The following STT3A variants were observed in gnomAD, a reference collection of about 807,000 sequenced individuals.
STT3A encodes dolichyl-diphosphooligosaccharide--protein glycosyltransferase subunit STT3A.
A neutral mutation model predicts 89.2 loss-of-function variants in STT3A; 34 were observed. The observed-to-expected ratio is 0.38, with a 90% CI of 0.29 to 0.51. The LOEUF is 0.51. STT3A is among the 20% of genes least tolerant of loss of function. The pLI is 0.89. For missense variants in STT3A, 555 were observed against 889.5 expected (o/e 0.62, Z 4.78); for synonymous variants, 282 against 310.3 (o/e 0.91, Z 0.96).
At chr11:125,620,659 C>T in intron 17 of STT3A, 113 bp from the exon 18 acceptor site, 1 of 941,468 alleles carries the variant, frequency 1.1e-6, no homozygotes. Flanking sequence ...AGCCCTAAAC[C>T]AGGCTGCAGA....
rs902510132 is a variant in STT3A at position 125,597,225 on chromosome 11, C to T, written c.149+106C>T. The T allele has an allele frequency of 3.0e-5, 35 of 1,159,934 alleles. No individual in the cohort carries two copies. In the South Asian group the frequency reaches 4.5e-4, roughly 15 times the overall value. The allele number at this position is 1,159,934 out of a possible 1,614,324, so 71.9% of individuals were successfully genotyped here. A position where few individuals can be genotyped will look rare whatever the true frequency, so the allele number is the denominator to read the frequency against. On this transcript the variant is annotated intron_variant, in intron 3 of 17. Transcript: ENST00000392708. ...GCTCTCAGTGATAGAGATGTGCTTT[C>T]AGTACATTTAAGGGAAAAAAAAACC...
intron 16 of STT3A, among the ~76,000 whole-genome samples, chr11:125,619,000 C>T (rs1158582470): frequency 2.6e-5 from 4 of 152,044 alleles, no homozygotes; most frequent in Admixed American, 6.5e-5. Context: ...TCCTGAAGTA[C>T]TGGGATTACA....
intron 15 of STT3A, among the ~76,000 whole-genome samples, chr11:125,616,741 G>A (rs11825320): frequency 1.3e-5 from 2 of 152,058 alleles, no homozygotes; most frequent in Admixed American, 6.6e-5. Flanking sequence ...TCAGTGGCAC[G>A]ATGTCTGCTC....
At chr11:125,612,493 G>T in intron 11 of STT3A, 99 bp from the exon 12 acceptor site, 1 of 1,367,830 alleles carries the variant, frequency 7.3e-7, no homozygotes, top group Non-Finnish European at 9.9e-7. Flanking sequence ...GGTCATGTTT[G>T]ATGAAAACCC....
chr11:125,598,010 G>T (rs997124315), intron 3 of STT3A, among the ~76,000 whole-genome samples: 3 of 152,038 alleles, frequency 2.0e-5, no homozygotes, highest in South Asian at 2.1e-4. Context: ...TCAGGAGTTC[G>T]AGACCAGCCT....
At chr11:125,605,794 G>A (rs1939816682) in intron 7 of STT3A, 59 bp downstream of exon 7, 3 of 1,413,006 alleles carry the variant, frequency 2.1e-6, no homozygotes, top group African/African-American at 1.4e-5. Context: ...ATTTCCTATG[G>A]GTACTTATTG....
chr11:125,592,598 C>G (rs1010156114), upstream of STT3A: 3 of 413,470 alleles, frequency 7.3e-6, no homozygotes, highest in Admixed American at 5.5e-5. Context: ...CTCAACCAAA[C>G]TGCTTGGGGC....
intron 15 of STT3A, among the ~76,000 whole-genome samples, chr11:125,616,765 C>T (rs1479013072): frequency 6.6e-6 from 1 of 152,136 alleles, no homozygotes; most frequent in African/African-American, 2.4e-5. Flanking sequence ...GCAGCCTCTG[C>T]TTCCCATGCT....
rs544428110 is a variant in STT3A at position 125,622,794 on chromosome 11, T to TA, written c.*1985dup. On this transcript the variant is annotated 3_prime_UTR_variant, in exon 18 of 18. Transcript: ENST00000392708. Reference sequence around the variant, plus strand: ...CTGCTCCTCTTTAAGAGTGGGACCCTAGGCAGGGCGCAGTGGATCATGCCT... The same window carrying TA: ...CTGCTCCTCTTTAAGAGTGGGACCCTAAGGCAGGGCGCAGTGGATCATGCCT... 3.9e-5 allele frequency: 6 copies of TA among 151,914 alleles called. No homozygotes were observed. The East Asian group carries it at 1.2e-3, about 29-fold the overall frequency. 9.4% of individuals were successfully genotyped at this position (151,914 alleles called of 1,614,324 possible). A position where few individuals can be genotyped will look rare whatever the true frequency, so the allele number is the denominator to read the frequency against.
intron 15 of STT3A, among the ~76,000 whole-genome samples, chr11:125,615,229 T>C (rs1170384720): frequency 1.3e-5 from 2 of 152,092 alleles, no homozygotes; most frequent in African/African-American, 2.4e-5. Context: ...ATTGCGCCAT[T>C]GGACTCCAGT....
chr11:125,596,699 T>C (rs1432732797), intron 2 of STT3A, among the ~76,000 whole-genome samples: 2 of 152,094 alleles, frequency 1.3e-5, no homozygotes, highest in South Asian at 4.1e-4. Context: ...TTGCTTGCCA[T>C]ACCTATTACT....
upstream of STT3A, chr11:125,592,430 G>A (rs749699666): frequency 8.8e-6 from 4 of 456,256 alleles, no homozygotes. Flanking sequence ...TAAAAAAGAC[G>A]GGAGACGAGC....
intron 11 of STT3A, among the ~76,000 whole-genome samples, chr11:125,612,230 C>G (rs1940047059): frequency 6.6e-6 from 1 of 151,926 alleles, no homozygotes; most frequent in Non-Finnish European, 1.5e-5. Flanking sequence ...ATAACTAATA[C>G]TAGGTAAATG....
chr11:125,592,416 AC>A (rs1384188182), upstream of STT3A: 1 of 456,042 alleles, frequency 2.2e-6, no homozygotes, highest in East Asian at 6.9e-5. Context: ...AACAATTTCT[AC>A]CTTAAAAAAG....
intron 3 of STT3A, among the ~76,000 whole-genome samples, chr11:125,602,019 G>A (rs1248699169): frequency 1.3e-5 from 2 of 151,992 alleles, no homozygotes; most frequent in South Asian, 2.1e-4. Context: ...GGCCAGTCTC[G>A]AACTCCTGAC....
Position 125,618,576 on chromosome 11 carries a change from ATAATAT to A in STT3A, c.1963+21_1963+26del, listed in dbSNP as rs113627561. Reference sequence around the variant, plus strand: ...CACAGAAGCCAGTGAGTGACTCATAATAATATTAATAACAGTAGTAATAATAGTGAT... The same window carrying A: ...CACAGAAGCCAGTGAGTGACTCATAATAATAACAGTAGTAATAATAGTGAT... On this transcript the variant is annotated intron_variant, in intron 16 of 17. Coordinates refer to ENST00000392708, the MANE Select transcript of STT3A (RefSeq NM_152713.5). The A allele has an allele frequency of 0.063, 101,417 of 1,606,628 alleles. 3,558 individuals are homozygous for A. The highest frequency in any genetic ancestry group is 0.11 in the Middle Eastern group (638 of 6,008).
chr11:125,620,757 A>G lies in STT3A; in HGVS notation c.2080-15A>G, dbSNP rs200059092. On this transcript the variant is annotated splice_polypyrimidine_tract_variant and intron_variant, in intron 17 of 17. Transcript: ENST00000392708. ...ATCTGATTGTAAATATTAAACTGAC[A>G]TCTTTATGTTGCAGGTAAAGGACCT... The G allele has an allele frequency of 2.5e-6, 4 of 1,613,420 alleles. No individual in the cohort carries two copies. The East Asian group carries it at 8.9e-5, about 36-fold the overall frequency.
In STT3A at chr11:125,608,086, C is replaced by T. The variant is rs754253410; in HGVS notation, c.781-23C>T. The T allele has an allele frequency of 4.4e-6, 7 of 1,573,224 alleles. No individual in the cohort carries two copies. In the East Asian group the frequency reaches 6.8e-5, roughly 15 times the overall value. On this transcript the variant is annotated intron_variant, in intron 8 of 17. Transcript: ENST00000392708. ...ACTCATTTTTTTTCCTTAGTATTAACATACATATCCTTTTACCTACAGCCT... is the reference window on the plus strand; with the variant it reads ...ACTCATTTTTTTTCCTTAGTATTAATATACATATCCTTTTACCTACAGCCT...
chr11:125,608,926 G>A (rs1346044376), intron 9 of STT3A, among the ~76,000 whole-genome samples: 1 of 151,868 alleles, frequency 6.6e-6, no homozygotes, highest in Non-Finnish European at 1.5e-5. Flanking sequence ...TTGGGTGGGA[G>A]AAGTCATTAT....
Sources: gnomAD v4.1 joint callset for allele counts (sites outside exome capture counted in the v4.1 genomes callset) on GRCh38, gnomAD v4.1.1 for gene constraint, MANE v1.5 for transcripts, NCBI Gene and HGNC (gene_info 2026-07-23, HGNC 2026-07-21) for gene names.